The following ARAP2 variants were observed in gnomAD, a reference collection of about 807,000 sequenced individuals.
ARAP2 encodes arf-GAP with Rho-GAP domain, ANK repeat and PH domain-containing protein 2.
In ARAP2, 148 loss-of-function variants were observed where a neutral mutation model predicts 194.5. The observed-to-expected ratio is 0.76, with a 90% CI of 0.67 to 0.87. ARAP2 has a LOEUF of 0.87. Ranked by LOEUF, ARAP2 falls within the 40% of genes least tolerant of loss-of-function variation. ARAP2 has a pLI of 0.00. For missense variants in ARAP2, 2,128 were observed against 1,989.7 expected (o/e 1.07, Z -1.32); for synonymous variants, 695 against 683.5 (o/e 1.02, Z -0.26).
At chr4:36,158,948 A>T in intron 14 of ARAP2, 84 bp from the exon 15 acceptor site, 1 of 1,241,552 alleles carries the variant, frequency 8.1e-7, no homozygotes, top group South Asian at 1.9e-5. Context: ...ATGAGTTTTG[A>T]GCTAGAAGAA....
At chr4:36,150,504 G>C (rs1481513440) in intron 16 of ARAP2, among the ~76,000 whole-genome samples, 5 of 151,852 alleles carry the variant, frequency 3.3e-5, no homozygotes, top group South Asian at 2.1e-4. Context: ...AAATTAGCTG[G>C]GTGTGGTAGC....
At chr4:36,010,423 A>G (rs531370426) in intron 9 of ARAP2, among the ~76,000 whole-genome samples, 5 of 152,156 alleles carry the variant, frequency 3.3e-5, no homozygotes, top group South Asian at 4.1e-4. Flanking sequence ...CCAACCCCCT[A>G]TGACCAGTAA....
In ARAP2 at chr4:36,177,813, A is replaced by G; in HGVS notation, c.1857+14T>C. 3.2e-6 allele frequency: 5 copies of G among 1,580,232 alleles called. No individual in the cohort carries two copies. The highest frequency in any genetic ancestry group is 2.2e-5 in the East Asian group (1 of 44,562). Reference sequence around the variant, plus strand: ...AAAATAGCAGCAATTTGCAATGACTATAACAGAGCTCACCTGTTCGTTTTT... The same window carrying G: ...AAAATAGCAGCAATTTGCAATGACTGTAACAGAGCTCACCTGTTCGTTTTT... On this transcript the variant is annotated intron_variant, in intron 9 of 32. Coordinates refer to ENST00000303965, the MANE Select transcript of ARAP2 (RefSeq NM_015230.4).
chr4:36,032,565 T>C (rs1332055492), intron 5 of ARAP2, among the ~76,000 whole-genome samples: 1 of 152,234 alleles, frequency 6.6e-6, no homozygotes, highest in Admixed American at 6.5e-5. Context: ...GATTAAATAG[T>C]ATAATGAAGC....
At chr4:36,073,399 AG>A (rs745512348) in intron 32 of ARAP2, among the ~76,000 whole-genome samples, 1 of 152,136 alleles carries the variant, frequency 6.6e-6, no homozygotes, top group Non-Finnish European at 1.5e-5. Flanking sequence ...ACGAATTTGA[AG>A]TTGTGATTTT....
chr4:36,231,893 T>C (rs1751543057), intron 1 of ARAP2, among the ~76,000 whole-genome samples: 1 of 152,164 alleles, frequency 6.6e-6, no homozygotes, highest in Non-Finnish European at 1.5e-5. Flanking sequence ...ACCATGACTG[T>C]ACTTGGAGAC....
intron 19 of ARAP2, among the ~76,000 whole-genome samples, chr4:36,135,325 T>C (rs954141739): frequency 2.6e-5 from 4 of 151,700 alleles, no homozygotes; most frequent in African/African-American, 4.8e-5. Context: ...ACAAAAAACT[T>C]CCTTTCTTTC....
chr4:36,160,366 A>G (rs1733630382), intron 13 of ARAP2, 93 bp downstream of exon 13: 1 of 1,287,784 alleles, frequency 7.8e-7, no homozygotes. Context: ...ATTTTGTCAG[A>G]TAGTATAAAA....
intron 25 of ARAP2, among the ~76,000 whole-genome samples, chr4:36,114,489 C>T (rs1510643): frequency 0.97 from 147,901 of 152,086 alleles, 71,943 homozygotes; most frequent in East Asian, 1. Flanking sequence ...AAAAAGAGAT[C>T]ACAATATAGA....
intron 27 of ARAP2, among the ~76,000 whole-genome samples, chr4:36,101,730 G>A (rs1030399726): frequency 1.3e-5 from 2 of 151,840 alleles, no homozygotes; most frequent in African/African-American, 2.4e-5. Context: ...TGAAAATTGT[G>A]GCTCACAATT....
chr4:36,005,936 G>A (rs1337968268), intron 10 of ARAP2: 1 of 152,186 alleles, frequency 6.6e-6, no homozygotes, highest in Non-Finnish European at 1.5e-5. Flanking sequence ...AAAAGTTCCT[G>A]TAGAGAAACC....
intron 7 of ARAP2, among the ~76,000 whole-genome samples, chr4:36,188,286 C>T (rs1208901378): frequency 6.6e-6 from 1 of 152,054 alleles, no homozygotes; most frequent in South Asian, 2.1e-4. Flanking sequence ...GTTTTCTGGG[C>T]CCCGTGTTGG....
At chr4:36,141,096 T>C (rs763037757) in intron 19 of ARAP2, among the ~76,000 whole-genome samples, 27 of 151,628 alleles carry the variant, frequency 1.8e-4, no homozygotes, top group East Asian at 3.9e-4. Flanking sequence ...AGTGCAAAAA[T>C]AGTTCTCAAA....
At chr4:36,206,347 G>A (rs775415004) in intron 6 of ARAP2, among the ~76,000 whole-genome samples, 11 of 152,090 alleles carry the variant, frequency 7.2e-5, no homozygotes, top group Non-Finnish European at 1.6e-4. Flanking sequence ...CCTGTTCTCT[G>A]AACATGCTTT....
chr4:36,022,663 G>A (rs1362471466), intron 5 of ARAP2, among the ~76,000 whole-genome samples: 2 of 152,132 alleles, frequency 1.3e-5, no homozygotes, highest in East Asian at 3.9e-4. Context: ...CCTCAGAGAA[G>A]AGTCACATTC....
chr4:36,125,042 G>T, intron 21 of ARAP2, 75 bp from the exon 22 acceptor site: 2 of 930,228 alleles, frequency 2.2e-6, no homozygotes, highest in Non-Finnish European at 3.4e-6. Context: ...CAGCAGTATT[G>T]TAAAACAGTC....
At chr4:36,028,863 G>A (rs1043343357) in intron 5 of ARAP2, among the ~76,000 whole-genome samples, 1 of 151,450 alleles carries the variant, frequency 6.6e-6, no homozygotes, top group Non-Finnish European at 1.5e-5. Flanking sequence ...CCCTACATTT[G>A]TATAACAGAG....
chr4:36,034,293 T>C (rs1228294847), intron 5 of ARAP2, among the ~76,000 whole-genome samples: 1 of 152,190 alleles, frequency 6.6e-6, no homozygotes, highest in Non-Finnish European at 1.5e-5. Flanking sequence ...ATATTTTCCA[T>C]ATGTTTGTGT....
At chr4:36,113,626 C>T (rs560772920) in intron 26 of ARAP2, among the ~76,000 whole-genome samples, 10 of 151,782 alleles carry the variant, frequency 6.6e-5, no homozygotes, top group African/African-American at 2.2e-4. Flanking sequence ...TCTTTGAAAC[C>T]ACATGGTGTT....
Sources: gnomAD v4.1 joint callset for allele counts (sites outside exome capture counted in the v4.1 genomes callset) on GRCh38, gnomAD v4.1.1 for gene constraint, MANE v1.5 for transcripts, NCBI Gene and HGNC (gene_info 2026-07-23, HGNC 2026-07-21) for gene names.